STOX2: variants seen among roughly 807,000 people sequenced by gnomAD.
STOX2 encodes storkhead-box protein 2.
STOX2 carries 28 observed loss-of-function variants against 60.9 expected under a neutral mutation model. The ratio of observed to expected loss-of-function variants is 0.46; its 90% CI spans 0.34 to 0.63. STOX2 has a LOEUF of 0.63. Among genes scored for constraint, STOX2 ranks in the 30% least tolerant of loss-of-function variants. The pLI is 0.01. For missense variants in STOX2, 1,024 were observed against 1,187.7 expected (o/e 0.86, Z 2.03); for synonymous variants, 472 against 463.9 (o/e 1.02, Z -0.22).
At chr4:183,840,941 C>A (rs978997557) in intron 1 of STOX2, among the ~76,000 whole-genome samples, 1 of 152,048 alleles carries the variant, frequency 6.6e-6, no homozygotes, top group Admixed American at 6.5e-5. Context: ...GATCTCAGCT[C>A]GCTGCAATCT....
intron 1 of STOX2, among the ~76,000 whole-genome samples, chr4:183,953,458 T>A (rs1202703921): frequency 6.6e-6 from 1 of 152,190 alleles, no homozygotes; most frequent in Non-Finnish European, 1.5e-5. Context: ...TGCCCCTTGT[T>A]CCTGTTGTAC....
intron 3 of STOX2, 119 bp from the exon 4 acceptor site, chr4:184,016,970 T>A: frequency 1.2e-6 from 1 of 809,060 alleles, no homozygotes; most frequent in Non-Finnish European, 1.9e-6. Context: ...TATATTGATA[T>A]GACATTATGA....
intron 1 of STOX2, among the ~76,000 whole-genome samples, chr4:183,820,697 A>G (rs1055569036): frequency 1.3e-5 from 2 of 152,178 alleles, no homozygotes; most frequent in African/African-American, 2.4e-5. Context: ...CTTAGTTTCA[A>G]AGTATGCAGA....
intron 1 of STOX2, among the ~76,000 whole-genome samples, chr4:183,948,295 C>A (rs1344745385): frequency 3.4e-5 from 5 of 145,852 alleles, no homozygotes; most frequent in African/African-American, 1.2e-4. Context: ...AGGCTTATTT[C>A]CTTTCAAAAA....
In STOX2 at chr4:184,010,142, C is replaced by T; in HGVS notation, c.1304C>T (p.Pro435Leu). 6.4e-7 allele frequency: 1 copy of T among 1,567,092 alleles called. No individual in the cohort carries two copies. The highest frequency in any genetic ancestry group is 8.7e-7 in the Non-Finnish European group (1 of 1,155,392). ...ACAAACGTGCTCGAGTCCCACTTCC[C>T]CATGACACCAGAATGGGATGTGTCT... ...SNTNVLESHF[P>L]MTPEWDVSGE... Residue 435 changes from proline to leucine, a missense_variant, in exon 3 of 4, where the codon CCC (proline) becomes CTC (leucine). Physicochemically the swap from Pro to Leu is moderately conservative, Grantham distance 98 (BLOSUM62 -3). Around this residue, in one of 3 missense-constraint regions of STOX2, gnomAD observed 922 missense variants for 1,058.3 expected, o/e 0.87. Coordinates refer to ENST00000308497, the MANE Select transcript of STOX2 (RefSeq NM_020225.3). The surrounding 1 kb of genome is among the most constrained non-coding windows in gnomAD (Gnocchi z 4.5).
chr4:183,901,763 T>C (rs1741466995), upstream of STOX2, among the ~76,000 whole-genome samples: 1 of 152,148 alleles, frequency 6.6e-6, no homozygotes, highest in Non-Finnish European at 1.5e-5. Flanking sequence ...AAGTCCTTTG[T>C]CCATTTTTGA....
intron 1 of STOX2, among the ~76,000 whole-genome samples, chr4:183,810,936 A>C (rs951300982): frequency 6.6e-5 from 10 of 152,062 alleles, no homozygotes; most frequent in Non-Finnish European, 1.3e-4. Context: ...AAACCTACCT[A>C]ATAGAATTCT....
intron 1 of STOX2, among the ~76,000 whole-genome samples, chr4:183,932,560 T>A (rs914592898): frequency 2.6e-5 from 4 of 151,290 alleles, no homozygotes; most frequent in Non-Finnish European, 5.9e-5. Flanking sequence ...TTGGCAGGCA[T>A]TTTTTTCCTT....
chr4:183,999,004 A>G (rs1037552547), intron 1 of STOX2, among the ~76,000 whole-genome samples: 1 of 152,108 alleles, frequency 6.6e-6, no homozygotes, highest in African/African-American at 2.4e-5. Context: ...TGATTGTGCC[A>G]TTTCACTCTA....
At chr4:184,012,337 A>C (rs1246561646) in intron 3 of STOX2, among the ~76,000 whole-genome samples, 2 of 152,256 alleles carry the variant, frequency 1.3e-5, no homozygotes, top group Admixed American at 6.5e-5. Context: ...ATGCAGAAAT[A>C]CTACTGAGAG....
At chr4:183,804,421 G>A (rs1030281976) in intron 1 of STOX2, among the ~76,000 whole-genome samples, 2 of 152,228 alleles carry the variant, frequency 1.3e-5, no homozygotes, top group African/African-American at 4.8e-5. Context: ...GAAACAGAGA[G>A]GGTGGCCCAT....
rs187590888 is a variant in STOX2, at chr4:183,844,518, A to C, written c.364+46463A>C. Among the ~76,000 whole-genome samples the C allele has an allele frequency of 6.4e-4, 98 of 152,316 alleles. 1 individual carries two copies. Among genetic ancestry groups the C allele is most frequent in the African/African-American group, 2.0e-3 (85 of 41,568 alleles). ...TCTTACTTTTGACAATTTGGTTGTC[A>C]AATTGTGTGAATTGTGAAAAAATAG... On this transcript the variant is annotated intron_variant, in intron 1 of 2. Coordinates refer to the STOX2 transcript ENST00000513034.
intron 1 of STOX2, among the ~76,000 whole-genome samples, chr4:183,892,178 G>T (rs999199293): frequency 4.6e-5 from 7 of 152,232 alleles, no homozygotes; most frequent in African/African-American, 1.2e-4. Flanking sequence ...CTCCGAGATG[G>T]CTCCGGGCCG....
intron 1 of STOX2, among the ~76,000 whole-genome samples, chr4:183,802,250 G>T (rs1738782172): frequency 6.6e-6 from 1 of 152,168 alleles, no homozygotes; most frequent in Admixed American, 6.5e-5. Flanking sequence ...CTTGTATTTT[G>T]CATTATAAAA....
chr4:183,978,530 T>G (rs915077458), intron 1 of STOX2, among the ~76,000 whole-genome samples: 4 of 152,170 alleles, frequency 2.6e-5, no homozygotes, highest in African/African-American at 9.7e-5. Flanking sequence ...TGAAGTCAGG[T>G]GATGTGATGC....
intron 1 of STOX2, among the ~76,000 whole-genome samples, chr4:183,881,143 T>A (rs1318885109): frequency 6.6e-6 from 1 of 152,172 alleles, no homozygotes; most frequent in Non-Finnish European, 1.5e-5. Flanking sequence ...GCTCAGAGAT[T>A]GTCTAGGAAA....
rs139381868 is a variant in STOX2 at position 183,910,424 on chromosome 4, G to C, written c.166+3468G>C. ...CCAAACCTTTTGTTGATGAAGTTGT[G>C]AGAGCTTTCTCTGTTAGAATTATGT... On this transcript the variant is annotated intron_variant, in intron 1 of 3. Coordinates refer to ENST00000308497, the MANE Select transcript of STOX2 (RefSeq NM_020225.3). 8.6e-3 allele frequency among the ~76,000 whole-genome samples: 1,308 copies of C among 152,278 alleles called. 59 individuals are homozygous for C. The highest frequency in any genetic ancestry group is 0.069 in the Admixed American group (1,056 of 15,300).
At chr4:183,819,127 A>G (rs966739802) in intron 1 of STOX2, among the ~76,000 whole-genome samples, 7 of 151,910 alleles carry the variant, frequency 4.6e-5, no homozygotes, top group Non-Finnish European at 5.9e-5. Context: ...GACGCTCCTC[A>G]CTTCCCAGAG....
At chr4:183,927,798 A>G (rs868770328) in intron 1 of STOX2, among the ~76,000 whole-genome samples, 5 of 152,248 alleles carry the variant, frequency 3.3e-5, no homozygotes, top group Middle Eastern at 3.4e-3. Flanking sequence ...CTTTACATCT[A>G]TGAGGAGCCA....
Sources: allele counts gnomAD v4.1 joint callset (sites outside exome capture counted in the v4.1 genomes callset), GRCh38; gene constraint gnomAD v4.1.1; regional missense constraint gnomAD v4.1.1; non-coding constraint Gnocchi (gnomAD v3.1); transcripts MANE v1.5; gene names NCBI Gene and HGNC (gene_info 2026-07-23, HGNC 2026-07-21).